Variants in BRINP3 observed in about 807,000 individuals in gnomAD.
BRINP3 encodes the protein BMP/retinoic acid inducible neural specific 3.
In BRINP3, 19 loss-of-function variants were observed where a neutral mutation model predicts 71.0. The ratio of observed to expected loss-of-function variants is 0.27; its 90% CI spans 0.19 to 0.39. The LOEUF (loss-of-function observed/expected upper bound fraction) is 0.39. Ranked by LOEUF, BRINP3 falls within the 10% of genes least tolerant of loss-of-function variation. BRINP3 has a pLI of 1.00. For synonymous variants in BRINP3, 380 were observed against 337.7 expected (o/e 1.13, Z -1.37); for missense variants, 959 against 940.8 (o/e 1.02, Z -0.25).
intron 2 of BRINP3, among the ~76,000 whole-genome samples, chr1:190,432,938 A>G (rs1484235486): frequency 2.6e-5 from 4 of 152,198 alleles, no homozygotes; most frequent in Admixed American, 2.6e-4. Context: ...ATTTTTATGA[A>G]AAATACATAG....
Position 190,400,223 on chromosome 1 carries a change from G to T in BRINP3, c.236+54432C>A, listed in dbSNP as rs142506536. Reference sequence around the variant, plus strand: ...CAAACTGGAGGTCTGTCATACATTGGATATTCCCATAATTTGGGATCAGGA... The same window carrying T: ...CAAACTGGAGGTCTGTCATACATTGTATATTCCCATAATTTGGGATCAGGA... On this transcript the variant is annotated intron_variant, in intron 2 of 7. Coordinates refer to ENST00000367462, the MANE Select transcript of BRINP3 (RefSeq NM_199051.3). Among the ~76,000 whole-genome samples, 69 of 152,194 alleles carry T rather than the reference G, an allele frequency of 4.5e-4. No individual in the cohort carries two copies. The East Asian group carries it at 9.8e-3, about 22-fold the overall frequency.
At chr1:190,167,769 C>A (rs1481540098) in intron 6 of BRINP3, among the ~76,000 whole-genome samples, 1 of 152,068 alleles carries the variant, frequency 6.6e-6, no homozygotes, top group African/African-American at 2.4e-5. Context: ...GCTTTCCCAC[C>A]CCTGTGAAGC....
chr1:190,460,468 T>G (rs1329850478), intron 1 of BRINP3, among the ~76,000 whole-genome samples: 2 of 152,050 alleles, frequency 1.3e-5, no homozygotes, highest in African/African-American at 2.4e-5. Flanking sequence ...CAATACTTTT[T>G]CCACTATAGT....
chr1:190,456,947 T>C (rs1676033998), intron 1 of BRINP3, among the ~76,000 whole-genome samples: 1 of 152,178 alleles, frequency 6.6e-6, no homozygotes, highest in South Asian at 2.1e-4. Context: ...CAAATGTAGA[T>C]GTGAACAAGA....
intron 6 of BRINP3, among the ~76,000 whole-genome samples, chr1:190,166,733 C>T (rs1651574506): frequency 6.6e-6 from 1 of 151,704 alleles, no homozygotes; most frequent in African/African-American, 2.4e-5. Flanking sequence ...TTATGCATTT[C>T]TTTTTTTTAA....
At chr1:190,449,497 T>C (rs1196172505) in intron 2 of BRINP3, among the ~76,000 whole-genome samples, 1 of 152,058 alleles carries the variant, frequency 6.6e-6, no homozygotes, top group African/African-American at 2.4e-5. Flanking sequence ...AAAAGCATGG[T>C]CTCCCTACTA....
intron 6 of BRINP3, among the ~76,000 whole-genome samples, chr1:190,173,850 G>A (rs12090879): frequency 0.14 from 22,019 of 151,990 alleles, 2,479 homozygotes; most frequent in African/African-American, 0.29. Context: ...AACCTCTTCA[G>A]TGTCTGGAAT....
intron 2 of BRINP3, among the ~76,000 whole-genome samples, chr1:190,367,119 C>T (rs1054434519): frequency 2.6e-5 from 4 of 152,210 alleles, no homozygotes; most frequent in Admixed American, 6.5e-5. Flanking sequence ...TCACATTTCT[C>T]TTTTTCATTG....
At chr1:190,301,038 A>G (rs921558042) in intron 2 of BRINP3, among the ~76,000 whole-genome samples, 4 of 151,566 alleles carry the variant, frequency 2.6e-5, no homozygotes, top group African/African-American at 7.3e-5. Flanking sequence ...AAAAAAATTT[A>G]AAGAGTTACT....
At chr1:190,200,345 A>T (rs1174937594) in intron 6 of BRINP3, among the ~76,000 whole-genome samples, 2 of 152,152 alleles carry the variant, frequency 1.3e-5, no homozygotes, top group South Asian at 4.1e-4. Context: ...TTTAGACTTC[A>T]GATGAATTTA....
chr1:190,129,319 T>C (rs1228837545), intron 7 of BRINP3, among the ~76,000 whole-genome samples: 3 of 151,840 alleles, frequency 2.0e-5, no homozygotes, highest in African/African-American at 7.2e-5. Flanking sequence ...AGAAACAGAG[T>C]TATCTTTTAA....
intron 7 of BRINP3, among the ~76,000 whole-genome samples, chr1:190,158,456 C>T (rs1322057871): frequency 6.6e-6 from 1 of 152,004 alleles, no homozygotes; most frequent in Non-Finnish European, 1.5e-5. Context: ...ACACTAGAGA[C>T]TATTAGAGTG....
At chr1:190,374,171 T>G (rs1287730334) in intron 2 of BRINP3, among the ~76,000 whole-genome samples, 1 of 152,110 alleles carries the variant, frequency 6.6e-6, no homozygotes, top group Non-Finnish European at 1.5e-5. Flanking sequence ...GCACAAATTA[T>G]ACTAGGAACA....
intron 4 of BRINP3, among the ~76,000 whole-genome samples, chr1:190,235,386 G>A (rs1009471665): frequency 1.3e-5 from 2 of 152,046 alleles, no homozygotes; most frequent in African/African-American, 4.8e-5. Context: ...ATTTAAAGCA[G>A]AGCAGTATTG....
At chr1:190,309,563 TC>T (rs944506512) in intron 2 of BRINP3, among the ~76,000 whole-genome samples, 2 of 151,842 alleles carry the variant, frequency 1.3e-5, no homozygotes, top group Admixed American at 1.3e-4. Flanking sequence ...AAAATAATTT[TC>T]AAATGACTGG....
At chr1:190,200,914 A>G (rs1654947088) in intron 6 of BRINP3, among the ~76,000 whole-genome samples, 1 of 151,984 alleles carries the variant, frequency 6.6e-6, no homozygotes, top group Admixed American at 6.6e-5. Flanking sequence ...TTCTTTTGTA[A>G]ATTTCCCAAT....
At chr1:190,342,547 A>G (rs1667734051) in intron 2 of BRINP3, 1 of 106,956 alleles carries the variant, frequency 9.3e-6, no homozygotes, top group Non-Finnish European at 1.8e-5. Flanking sequence ...GCACTTGCCC[A>G]TATATATATA....
intron 6 of BRINP3, among the ~76,000 whole-genome samples, chr1:190,213,000 C>T (rs747155496): frequency 5.3e-5 from 8 of 151,826 alleles, no homozygotes; most frequent in Non-Finnish European, 1.0e-4. Context: ...AAAGCAAAAC[C>T]CTACAGTTGT....
At chr1:190,234,280 TA>T in intron 5 of BRINP3, 91 bp downstream of exon 5, 1 of 791,432 alleles carries the variant, frequency 1.3e-6, no homozygotes, top group Non-Finnish European at 2.0e-6. Context: ...CCTGTATGTA[TA>T]TGCAGTTTAC....
Sources: gnomAD v4.1 joint callset for allele counts (sites outside exome capture counted in the v4.1 genomes callset) on GRCh38, gnomAD v4.1.1 for gene constraint, MANE v1.5 for transcripts, NCBI Gene and HGNC (gene_info 2026-07-23, HGNC 2026-07-21) for gene names.